Variants in REV1 observed in about 807,000 individuals in gnomAD.
REV1 encodes the protein REV1 DNA directed polymerase.
Under a neutral mutation model 137.4 loss-of-function variants are expected in REV1, and 42 were observed. That is an observed-to-expected ratio of 0.31 (90% confidence interval 0.24 to 0.40). The LOEUF (loss-of-function observed/expected upper bound fraction) is 0.40, where lower values mean the gene tolerates loss of function less well. REV1 is among the 10% of genes least tolerant of loss of function. The pLI, the probability that REV1 is intolerant of heterozygous loss-of-function variation, is 1.00. For synonymous variants in REV1, 524 were observed against 519.2 expected, an observed-to-expected ratio of 1.01 and a Z score of -0.12; for missense variants, 1,282 against 1,490.1, an observed-to-expected ratio of 0.86 and a Z score of 2.30.
At chr2:99,409,415 T>C (rs978058826) in intron 14 of REV1, among the ~76,000 whole-genome samples, 1 of 152,222 alleles carries the variant, frequency 6.6e-6, no homozygotes, top group Non-Finnish European at 1.5e-5. Context: ...GCTTTCAGTG[T>C]CAAAAGTCTC....
chr2:99,406,025 G>A lies in REV1; in HGVS notation c.2696C>T (p.Pro899Leu), dbSNP rs149229135. 320 of 1,613,766 alleles carry A rather than the reference G, an allele frequency of 2.0e-4. No individual in the cohort carries two copies. Among genetic ancestry groups the A allele is most frequent in the Non-Finnish European group, 2.6e-4 (303 of 1,179,928 alleles). Residue 899 changes from proline to leucine, a missense_variant, in exon 17 of 23, where the codon CCG becomes CTG. Transcript: ENST00000258428. The stretch of plus-strand genomic sequence containing the variant: ...AGCCTTGTTAGTATCAGGACTGGTC[G>A]GCAGATGTGCAGGAAAAGGTGGCAA... Reference protein sequence around the residue: ...TFLPPFPAHLPTSPDTNKAES... With the variant: ...TFLPPFPAHLLTSPDTNKAES...
intron 3 of REV1, among the ~76,000 whole-genome samples, chr2:99,453,892 CAAAAAAAAA>C (rs58291328): frequency 1.3e-3 from 61 of 48,022 alleles, no homozygotes; most frequent in African/African-American, 4.4e-3. Context: ...GGCTCTGTCT[CAAAAAAAAA>C]AAAAAAAAAA....
At position 99,439,066 on chromosome 2, in the gene REV1, C is replaced by A. The variant is rs149849258; in HGVS notation, c.748G>T (p.Ala250Ser). 6.2e-7 allele frequency: 1 copy of A among 1,614,080 alleles called. No homozygotes were observed. Among genetic ancestry groups the A allele is most frequent in the Non-Finnish European group, 8.5e-7 (1 of 1,179,990 alleles). ...DCLVPMVNSVASRLSPAFSQE... is the reference protein window; with the variant it reads ...DCLVPMVNSVSSRLSPAFSQE... ...GAAAAGGCTGGAGAAAGCCTGCTGGCAACACTGTTGACCATGGGCACCAAG... is the reference window on the plus strand; with the variant it reads ...GAAAAGGCTGGAGAAAGCCTGCTGGAAACACTGTTGACCATGGGCACCAAG... The change falls in exon 6 of 23, where the codon GCC (alanine) becomes TCC (serine). Residue 250 changes from alanine to serine, a missense_variant. Transcript: ENST00000258428.
At chr2:99,430,417 G>A (rs1039770873) in intron 8 of REV1, among the ~76,000 whole-genome samples, 6 of 152,136 alleles carry the variant, frequency 3.9e-5, no homozygotes, top group South Asian at 2.1e-4. Context: ...GCTAACTAAC[G>A]GGTACAACAA....
rs138857339 is a variant in REV1, at chr2:99,471,412, C to G, written c.-10-6427G>C. Among the ~76,000 whole-genome samples the G allele has an allele frequency of 2.1e-5, 3 of 143,396 alleles. No individual in the cohort carries two copies. In the East Asian group the frequency reaches 5.8e-4, roughly 28 times the overall value. 94.1% of individuals were successfully genotyped at this position (143,396 alleles called of 152,430 possible). ...TGCAAAAGAAGTTGGACCTTTACAC[C>G]ATGTTAAAAAAAAACTTAAAGTGTA... On this transcript the variant is annotated intron_variant, in intron 1 of 22. Transcript: ENST00000258428.
chr2:99,464,856 T>C, intron 2 of REV1, 66 bp downstream of exon 2: 1 of 1,469,836 alleles, frequency 6.8e-7, no homozygotes, highest in Non-Finnish European at 9.5e-7. Context: ...TAAACCACAT[T>C]ATAACAGAAG....
intron 13 of REV1, among the ~76,000 whole-genome samples, 176 bp from the exon 14 acceptor site, chr2:99,411,043 T>C (rs1677067317): frequency 6.6e-6 from 1 of 152,132 alleles, no homozygotes; most frequent in African/African-American, 2.4e-5. Context: ...TCCCAGCACT[T>C]TGAGAGGCCG....
At chr2:99,458,947 A>T (rs377362740) in intron 3 of REV1, among the ~76,000 whole-genome samples, 1 of 152,110 alleles carries the variant, frequency 6.6e-6, no homozygotes, top group East Asian at 1.9e-4. Flanking sequence ...GGTGGCTCAC[A>T]CCTGTAATCC....
At chr2:99,413,034 CA>C in intron 12 of REV1, 83 bp from the exon 13 acceptor site, 1 of 929,844 alleles carries the variant, frequency 1.1e-6, no homozygotes, top group Non-Finnish European at 1.7e-6. Flanking sequence ...CATTTATGCA[CA>C]AAACAACTAG....
chr2:99,462,729 T>C (rs2105120638), intron 2 of REV1, 107 bp from the exon 3 acceptor site: 2 of 1,100,142 alleles, frequency 1.8e-6, no homozygotes, highest in African/African-American at 1.6e-5. Context: ...CCTTATTCTG[T>C]GCTAGTGACC....
At chr2:99,447,326 C>T (rs970919268) in intron 4 of REV1, among the ~76,000 whole-genome samples, 1 of 152,050 alleles carries the variant, frequency 6.6e-6, no homozygotes, top group African/African-American at 2.4e-5. Context: ...GCGCGCGCCA[C>T]CACGCCCAGC....
intron 3 of REV1, among the ~76,000 whole-genome samples, chr2:99,458,867 C>G (rs924869946): frequency 6.6e-6 from 1 of 152,032 alleles, no homozygotes; most frequent in Non-Finnish European, 1.5e-5. Context: ...TAAGGAAAGG[C>G]GGAGAACAGA....
chr2:99,445,429 A>C (rs887217960), intron 4 of REV1, among the ~76,000 whole-genome samples: 9 of 152,218 alleles, frequency 5.9e-5, no homozygotes, highest in Non-Finnish European at 4.4e-5. Context: ...ATCACGGGAT[A>C]TACAAATATA....
intron 1 of REV1, among the ~76,000 whole-genome samples, chr2:99,475,366 T>C (rs1005357920): frequency 3.9e-5 from 6 of 152,120 alleles, no homozygotes; most frequent in African/African-American, 1.4e-4. Flanking sequence ...AAAAACACTT[T>C]TAAATAAGGA....
chr2:99,404,279 G>A (rs6711073), intron 18 of REV1, among the ~76,000 whole-genome samples, 165 bp downstream of exon 18: 64,273 of 151,810 alleles, frequency 0.42, 13,858 homozygotes, highest in Admixed American at 0.57. Context: ...ACATCCTGCA[G>A]ATGCAGGAGA....
intron 1 of REV1, among the ~76,000 whole-genome samples, chr2:99,485,904 G>A (rs192705913): frequency 6.6e-6 from 1 of 151,696 alleles, no homozygotes. Flanking sequence ...TGAGGCAGGA[G>A]ACTGTAGCCC....
chr2:99,406,440 T>C lies in REV1; in HGVS notation c.2499A>G (p.Thr833=). The change falls in exon 16 of 23, where the codon ACA becomes ACG. Residue 833 remains threonine, a synonymous_variant. Coordinates refer to ENST00000258428, the MANE Select transcript of REV1 (RefSeq NM_016316.4). ...ACTGAACTGATGGGCGACTGGGACA[T>C]GTGGAAGGGTTCAGATTAGTTGGAA... ...QLVPTNLNPS[T]CPSRPSVQSS... 5 of 1,613,618 alleles carry C rather than the reference T, an allele frequency of 3.1e-6. No homozygotes were observed. The highest frequency in any genetic ancestry group is 1.3e-5 in the African/African-American group (1 of 74,990).
intron 1 of REV1, among the ~76,000 whole-genome samples, chr2:99,478,092 C>T (rs1311303834): frequency 6.6e-6 from 1 of 152,032 alleles, no homozygotes; most frequent in South Asian, 2.1e-4. Flanking sequence ...ATTAGCCGAG[C>T]GTGGTGGTGC....
chr2:99,425,892 G>A (rs929313344), intron 9 of REV1, among the ~76,000 whole-genome samples: 4 of 151,806 alleles, frequency 2.6e-5, no homozygotes, highest in Admixed American at 6.6e-5. Flanking sequence ...AAAAATTAGC[G>A]AGAAGTGGTG....
Sources: gnomAD v4.1 joint callset for allele counts (sites outside exome capture counted in the v4.1 genomes callset) on GRCh38, gnomAD v4.1.1 for gene constraint, MANE v1.5 for transcripts, NCBI Gene and HGNC (gene_info 2026-07-23, HGNC 2026-07-21) for gene names.